Variants in IL1RAPL1 observed in about 807,000 individuals in gnomAD.
IL1RAPL1 encodes interleukin 1 receptor accessory protein like 1, also known as interleukin-1 receptor accessory protein-like 1.
IL1RAPL1 carries 3 observed loss-of-function variants against 48.4 expected under a neutral mutation model. That is an observed-to-expected ratio of 0.06 (90% CI 0.03 to 0.16). The LOEUF (loss-of-function observed/expected upper bound fraction) is 0.16, where lower values mean the gene tolerates loss of function less well. IL1RAPL1 is among the 10% of genes least tolerant of loss of function. The pLI, the probability that IL1RAPL1 is intolerant of heterozygous loss-of-function variation, is 1.00. For synonymous variants in IL1RAPL1, 185 were observed against 187.7 expected, an observed-to-expected ratio of 0.99 and a Z score of 0.12; for missense variants, 349 against 530.6, an observed-to-expected ratio of 0.66 and a Z score of 3.36.
chrX:29,460,936 C>T (rs1034162389), intron 5 of IL1RAPL1, among the ~76,000 whole-genome samples: 30 of 111,444 alleles, frequency 2.7e-4, no homozygotes, highest in African/African-American at 9.1e-4. Flanking sequence ...TCATGTTAAA[C>T]TTTATCAAAA....
In IL1RAPL1 at chrX:29,319,364, A is replaced by ATTTTTTTTTTTTTTTTTTTTTTTT. The variant is rs762918998; in HGVS notation, c.362+36167_362+36168insTTTTTTTTTTTTTTTTTTTTTTTT. On this transcript the variant is annotated intron_variant, in intron 3 of 10. Coordinates refer to ENST00000378993, the MANE Select transcript of IL1RAPL1 (RefSeq NM_014271.4). Reference sequence around the variant, plus strand: ...ACCCCACTGCATGTAGATAAATTTAATTTTTTTTTTTTTTTTTTTTGTAGA... The same window carrying ATTTTTTTTTTTTTTTTTTTTTTTT: ...ACCCCACTGCATGTAGATAAATTTAATTTTTTTTTTTTTTTTTTTTTTTTTTTTTTTTTTTTTTTTTTTTGTAGA... Among the ~76,000 whole-genome samples, 18 of 58,147 alleles carry ATTTTTTTTTTTTTTTTTTTTTTTT rather than the reference A, an allele frequency of 3.1e-4. 1 individual carries two copies. Among genetic ancestry groups the ATTTTTTTTTTTTTTTTTTTTTTTT allele is most frequent in the Non-Finnish European group, 4.6e-4 (15 of 32,567 alleles). 50.5% of individuals were successfully genotyped at this position (58,147 alleles called of 115,157 possible). A position where few individuals can be genotyped will look rare whatever the true frequency, so the allele number is the denominator to read the frequency against.
intron 1 of IL1RAPL1, among the ~76,000 whole-genome samples, chrX:28,632,215 C>G (rs1934409413): frequency 9.0e-6 from 1 of 111,416 alleles, no homozygotes; most frequent in South Asian, 3.7e-4. Context: ...GGCCTCACTT[C>G]CTGGTTAGTG....
At chrX:29,692,325 C>T (rs1823148641) in intron 6 of IL1RAPL1, among the ~76,000 whole-genome samples, 1 of 111,977 alleles carries the variant, frequency 8.9e-6, no homozygotes, top group Non-Finnish European at 1.9e-5. Context: ...ACCCTTCCTA[C>T]ACAAATATGC....
At chrX:29,143,796 T>C (rs1352664955) in intron 2 of IL1RAPL1, among the ~76,000 whole-genome samples, 2 of 112,166 alleles carry the variant, frequency 1.8e-5, no homozygotes, top group Non-Finnish European at 3.8e-5. Flanking sequence ...ATCACAGGTA[T>C]GTATGTATAG....
At chrX:29,850,985 G>A (rs1167629630) in intron 6 of IL1RAPL1, among the ~76,000 whole-genome samples, 1 of 111,547 alleles carries the variant, frequency 9.0e-6, no homozygotes, top group Non-Finnish European at 1.9e-5. Flanking sequence ...AGGAGGTAAA[G>A]TTAGGAATTT....
At chrX:29,043,283 C>G (rs1226802247) in intron 2 of IL1RAPL1, among the ~76,000 whole-genome samples, 1 of 110,882 alleles carries the variant, frequency 9.0e-6, no homozygotes, top group Non-Finnish European at 1.9e-5. Context: ...TTTATTTGCC[C>G]CCTTTTGAAA....
At chrX:29,001,458 A>G (rs1358902664) in intron 2 of IL1RAPL1, among the ~76,000 whole-genome samples, 1 of 111,681 alleles carries the variant, frequency 9.0e-6, no homozygotes, top group African/African-American at 3.3e-5. Flanking sequence ...CATATCCGTC[A>G]TGGTGACTCA....
chrX:28,832,041 G>T (rs781344586), intron 2 of IL1RAPL1, among the ~76,000 whole-genome samples: 4 of 111,181 alleles, frequency 3.6e-5, no homozygotes, highest in African/African-American at 9.8e-5. Context: ...TGTGTACAAG[G>T]TGTAATGATC....
At chrX:29,739,320 A>G (rs1436192135) in intron 6 of IL1RAPL1, among the ~76,000 whole-genome samples, 3 of 112,618 alleles carry the variant, frequency 2.7e-5, no homozygotes, top group African/African-American at 9.7e-5. Context: ...TAATTTTATT[A>G]TAACTGAAAA....
intron 1 of IL1RAPL1, among the ~76,000 whole-genome samples, chrX:28,669,411 G>A (rs1348462599): frequency 9.1e-6 from 1 of 109,565 alleles, no homozygotes; most frequent in Non-Finnish European, 1.9e-5. Context: ...TTGATGTCAG[G>A]AGTTCAAGAC....
At chrX:29,225,967 G>C (rs775608345) in intron 2 of IL1RAPL1, among the ~76,000 whole-genome samples, 26 of 111,384 alleles carry the variant, frequency 2.3e-4, no homozygotes, top group African/African-American at 7.5e-4. Flanking sequence ...AAGTTGGGAG[G>C]GGGGGACCAT....
intron 2 of IL1RAPL1, among the ~76,000 whole-genome samples, chrX:29,027,487 A>G (rs1336687801): frequency 2.7e-5 from 3 of 112,228 alleles, no homozygotes; most frequent in Admixed American, 9.5e-5. Flanking sequence ...ATGAATAAAG[A>G]TACAATCAAC....
intron 2 of IL1RAPL1, among the ~76,000 whole-genome samples, chrX:28,975,428 C>A (rs1601989499): frequency 8.9e-6 from 1 of 112,165 alleles, no homozygotes; most frequent in East Asian, 2.8e-4. Flanking sequence ...ATCTGGGATT[C>A]CTTAGCTCTA....
chrX:28,827,110 A>C (rs895206217), intron 2 of IL1RAPL1, among the ~76,000 whole-genome samples: 20 of 111,451 alleles, frequency 1.8e-4, no homozygotes, highest in Admixed American at 1.7e-3. Flanking sequence ...ATTTACTATA[A>C]TTAGGACACT....
At chrX:28,877,703 G>A (rs186375059) in intron 2 of IL1RAPL1, among the ~76,000 whole-genome samples, 55 of 111,491 alleles carry the variant, frequency 4.9e-4, no homozygotes, top group South Asian at 3.8e-4. Flanking sequence ...TAGAGATGGA[G>A]GATAGTAAAC....
intron 1 of IL1RAPL1, among the ~76,000 whole-genome samples, chrX:28,724,170 A>T (rs905631216): frequency 9.0e-6 from 1 of 111,404 alleles, no homozygotes; most frequent in Non-Finnish European, 1.9e-5. Context: ...TGTCTCATTG[A>T]TCCGTCTAAT....
intron 5 of IL1RAPL1, among the ~76,000 whole-genome samples, chrX:29,500,620 AATATT>A (rs1935262220): frequency 8.9e-6 from 1 of 112,267 alleles, no homozygotes; most frequent in Admixed American, 9.5e-5. Context: ...ATGGCGGAAT[AATATT>A]ATATAATATG....
At chrX:28,659,658 G>T (rs1934794778) in intron 1 of IL1RAPL1, among the ~76,000 whole-genome samples, 2 of 111,518 alleles carry the variant, frequency 1.8e-5, no homozygotes, top group South Asian at 7.4e-4. Flanking sequence ...TTTAAACCAT[G>T]CTTACCTATG....
At chrX:28,788,118 A>T (rs905729371) in intron 1 of IL1RAPL1, among the ~76,000 whole-genome samples, 3 of 111,820 alleles carry the variant, frequency 2.7e-5, no homozygotes, top group Non-Finnish European at 5.6e-5. Context: ...TTGTATACTT[A>T]AAATTTTTTG....
Sources: gnomAD v4.1 joint callset for allele counts (sites outside exome capture counted in the v4.1 genomes callset) on GRCh38, gnomAD v4.1.1 for gene constraint, MANE v1.5 for transcripts, NCBI Gene and HGNC (gene_info 2026-07-23, HGNC 2026-07-21) for gene names.